HOOK3: variants seen among roughly 807,000 people sequenced by gnomAD.
HOOK3 encodes the protein hook microtubule tethering protein 3, also known as protein Hook homolog 3.
In HOOK3, 24 loss-of-function variants were observed where a neutral mutation model predicts 116.3. That is an observed-to-expected ratio of 0.21 (90% CI 0.15 to 0.29). HOOK3 has a LOEUF of 0.29. Among genes scored for constraint, HOOK3 ranks in the 10% least tolerant of loss-of-function variants. The pLI is 1.00. For missense variants in HOOK3, 632 were observed against 830.2 expected (o/e 0.76, Z 2.93); for synonymous variants, 275 against 283.0 (o/e 0.97, Z 0.28).
rs546164047 is a variant in HOOK3 at position 42,934,445 on chromosome 8, A to C, written c.267+4273A>C. On this transcript the variant is annotated intron_variant, in intron 4 of 21. Transcript: ENST00000307602. ...TCTGAGATACATGTGCAGAACGTGC[A>C]GGTTTGTTACATAGCTATACACGTG... is the stretch of plus-strand genomic sequence containing the variant. 7.9e-5 allele frequency among the ~76,000 whole-genome samples: 12 copies of C among 152,134 alleles called. 1 individual carries two copies. Among genetic ancestry groups the C allele is most frequent in the African/African-American group, 2.9e-4 (12 of 41,520 alleles).
In HOOK3 at chr8:42,968,009, C is replaced by CT. The variant is rs756378874; in HGVS notation, c.921-3dup. The CT allele has an allele frequency of 3.0e-5, 44 of 1,481,346 alleles. No homozygotes were observed. Among genetic ancestry groups the CT allele is most frequent in the Non-Finnish European group, 4.0e-5 (43 of 1,062,924 alleles). The allele number at this position is 1,481,346 out of a possible 1,614,324, so 91.8% of individuals were successfully genotyped here. On this transcript the variant is annotated splice_polypyrimidine_tract_variant and splice_region_variant and intron_variant, in intron 10 of 21. Transcript: ENST00000307602. ...GATTTTTTTAATTTCCCATCTAATTCTAGACATTCTTCTGATAAAGTATCT... is the reference window on the plus strand; with the variant it reads ...GATTTTTTTAATTTCCCATCTAATTCTTAGACATTCTTCTGATAAAGTATCT...
At chr8:42,991,755 T>C (rs1456812195) in intron 15 of HOOK3, among the ~76,000 whole-genome samples, 19 of 152,014 alleles carry the variant, frequency 1.2e-4, no homozygotes. Context: ...GTTTTTGTTT[T>C]TTTTTTCCTT....
Position 42,996,445 on chromosome 8 carries a change from C to T in HOOK3, c.1533-1105C>T, listed in dbSNP as rs149635383. Among the ~76,000 whole-genome samples, 1,202 of 151,458 alleles carry T rather than the reference C, an allele frequency of 7.9e-3. 9 individuals carry two copies. The highest frequency in any genetic ancestry group is 0.012 in the Non-Finnish European group (783 of 67,834). On this transcript the variant is annotated intron_variant, in intron 15 of 21. Coordinates refer to ENST00000307602, the MANE Select transcript of HOOK3 (RefSeq NM_032410.4). Reference sequence around the variant, plus strand: ...AAAGAAAGTCAAGCCGTGGAATCAGCGTTATTTAAGGTTATCTGAGTTGTT... The same window carrying T: ...AAAGAAAGTCAAGCCGTGGAATCAGTGTTATTTAAGGTTATCTGAGTTGTT...
Position 43,019,521 on chromosome 8 carries a change from T to C in HOOK3, c.*1023T>C. On this transcript the variant is annotated 3_prime_UTR_variant, in exon 22 of 22. Coordinates refer to ENST00000307602, the MANE Select transcript of HOOK3 (RefSeq NM_032410.4). ...ATCAGTCACTAACATTAGTAACTTC[T>C]TGTATGTTATATTATGGCAGATCTC... The C allele has an allele frequency of 4.9e-6, 1 of 204,564 alleles. No individual in the cohort carries two copies. Among genetic ancestry groups the C allele is most frequent in the African/African-American group, 2.3e-5 (1 of 43,902 alleles). The allele number at this position is 204,564 out of a possible 1,614,324, so 12.7% of individuals were successfully genotyped here. A position where few individuals can be genotyped will look rare whatever the true frequency, so the allele number is the denominator to read the frequency against.
intron 16 of HOOK3, chr8:42,997,858 T>C: frequency 4.7e-6 from 2 of 429,402 alleles, no homozygotes; most frequent in South Asian, 2.3e-5. Flanking sequence ...AGTTCATTTC[T>C]AGTTACCAAC....
At chr8:42,906,892 G>C (rs1807322037) in intron 2 of HOOK3, among the ~76,000 whole-genome samples, 1 of 152,204 alleles carries the variant, frequency 6.6e-6, no homozygotes. Flanking sequence ...AGGTCAAAAT[G>C]ATCAAAATCA....
chr8:42,965,947 A>G (rs561852991), intron 9 of HOOK3, among the ~76,000 whole-genome samples: 2 of 152,232 alleles, frequency 1.3e-5, no homozygotes, highest in South Asian at 2.1e-4. Flanking sequence ...GATTTTCTTC[A>G]TATGCTTCAG....
intron 2 of HOOK3, among the ~76,000 whole-genome samples, chr8:42,917,321 A>C (rs1807551718): frequency 6.6e-6 from 1 of 152,042 alleles, no homozygotes; most frequent in Non-Finnish European, 1.5e-5. Flanking sequence ...TTTATTTGGG[A>C]TCTCATTACA....
Position 43,025,166 on chromosome 8 carries a change from G to A in HOOK3, c.*6668G>A, listed in dbSNP as rs1018829805. 2 of 209,804 alleles carry A rather than the reference G, an allele frequency of 9.5e-6. No individual in the cohort carries two copies. Among genetic ancestry groups the A allele is most frequent in the Non-Finnish European group, 1.9e-5 (2 of 103,454 alleles). 13.0% of individuals were successfully genotyped at this position (209,804 alleles called of 1,614,324 possible). On this transcript the variant is annotated 3_prime_UTR_variant, in exon 22 of 22. Coordinates refer to ENST00000307602, the MANE Select transcript of HOOK3 (RefSeq NM_032410.4). The stretch of plus-strand genomic sequence containing the variant: ...GTATATGAGTTTTGGTGATTGTGGG[G>A]GGTTATAAATGTTTTCCTATGATAG...
chr8:42,982,886 C>G (rs1163174818), intron 14 of HOOK3, among the ~76,000 whole-genome samples, 190 bp downstream of exon 14: 1 of 152,208 alleles, frequency 6.6e-6, no homozygotes, highest in Non-Finnish European at 1.5e-5. Context: ...AATTGATTTG[C>G]TCACTTCAAT....
chr8:42,984,777 G>T (rs541143708), intron 14 of HOOK3, among the ~76,000 whole-genome samples: 1 of 152,030 alleles, frequency 6.6e-6, no homozygotes, highest in Non-Finnish European at 1.5e-5. Flanking sequence ...GCTAGCACAC[G>T]CCTGTAATCC....
chr8:42,999,349 A>G (rs755138062), intron 16 of HOOK3, among the ~76,000 whole-genome samples: 3 of 152,220 alleles, frequency 2.0e-5, no homozygotes, highest in Non-Finnish European at 2.9e-5. Context: ...CCAGATGCCA[A>G]TGTCTTGCTG....
At chr8:42,969,227 A>G (rs187594217) in intron 11 of HOOK3, among the ~76,000 whole-genome samples, 5 of 152,288 alleles carry the variant, frequency 3.3e-5, no homozygotes, top group Non-Finnish European at 7.4e-5. Context: ...AGTATCTTCA[A>G]TGTAGTTAGA....
At chr8:43,000,128 A>G (rs1809352039) in intron 16 of HOOK3, 3 of 471,218 alleles carry the variant, frequency 6.4e-6, no homozygotes, top group Non-Finnish European at 1.1e-5. Context: ...AGCCTGGGCA[A>G]CAGAGCGAGA....
Position 42,992,728 on chromosome 8 carries a change from A to AAAAG in HOOK3, c.1533-4818_1533-4815dup, listed in dbSNP as rs1809191174. ...TCCATCTCAAAAAAAAAAAAAAAAA[A>AAAAG]AAAGAAATGTTACTGATTTTTGTAT... is the stretch of plus-strand genomic sequence containing the variant. On this transcript the variant is annotated intron_variant, in intron 15 of 21. Transcript: ENST00000307602. 3.3e-5 allele frequency among the ~76,000 whole-genome samples: 5 copies of AAAAG among 151,810 alleles called. 1 individual carries two copies. The highest frequency in any genetic ancestry group is 1.2e-4 in the African/African-American group (5 of 41,402).
intron 15 of HOOK3, among the ~76,000 whole-genome samples, chr8:42,992,108 T>C (rs1809173170): frequency 6.6e-6 from 1 of 152,154 alleles, no homozygotes; most frequent in African/African-American, 2.4e-5. Context: ...ATAGAAATGT[T>C]ACTGATTTTT....
intron 19 of HOOK3, among the ~76,000 whole-genome samples, chr8:43,012,683 T>C (rs560251312): frequency 6.6e-6 from 1 of 152,228 alleles, no homozygotes; most frequent in Non-Finnish European, 1.5e-5. Flanking sequence ...CACTGCAGCC[T>C]CAACCTCCCA....
chr8:42,955,121 A>C (rs185032809), intron 6 of HOOK3, among the ~76,000 whole-genome samples: 226 of 152,314 alleles, frequency 1.5e-3, no homozygotes, highest in Non-Finnish European at 2.6e-3. Context: ...TTACCCTCTC[A>C]ATACAGTTGA....
chr8:42,966,365 TACTC>T, intron 9 of HOOK3, 104 bp from the exon 10 acceptor site: 1 of 1,133,684 alleles, frequency 8.8e-7, no homozygotes, highest in Non-Finnish European at 1.2e-6. Flanking sequence ...ATGGGAGACA[TACTC>T]AAGAAGGCTT....
Sources: gnomAD v4.1 joint callset for allele counts (sites outside exome capture counted in the v4.1 genomes callset) on GRCh38, gnomAD v4.1.1 for gene constraint, MANE v1.5 for transcripts, NCBI Gene and HGNC (gene_info 2026-07-23, HGNC 2026-07-21) for gene names.